SHISA9: variants seen among roughly 807,000 people sequenced by gnomAD.
SHISA9 encodes the protein shisa family member 9.
Under a neutral mutation model 38.0 loss-of-function variants are expected in SHISA9, and 13 were observed. The observed-to-expected ratio is 0.34, with a 90% CI of 0.22 to 0.54. SHISA9 has a LOEUF of 0.54. Ranked by LOEUF, SHISA9 falls within the 20% of genes least tolerant of loss-of-function variation. The pLI is 0.91. For missense variants in SHISA9, 538 were observed against 575.8 expected (o/e 0.93, Z 0.67); for synonymous variants, 275 against 242.0 (o/e 1.14, Z -1.27).
intron 2 of SHISA9, among the ~76,000 whole-genome samples, chr16:13,116,351 T>A (rs2074030735): frequency 6.6e-6 from 1 of 152,180 alleles, no homozygotes; most frequent in South Asian, 2.1e-4. Context: ...CGGAAATAAA[T>A]ACATGGTCTT....
At chr16:12,916,925 C>G in intron 2 of SHISA9, 110 bp downstream of exon 2, 3 of 1,228,180 alleles carry the variant, frequency 2.4e-6, no homozygotes, top group Non-Finnish European at 3.3e-6. Context: ...TCTTTGTGGG[C>G]AAGTTAGAAG....
intron 2 of SHISA9, among the ~76,000 whole-genome samples, chr16:13,108,013 T>A (rs1187642027): frequency 1.3e-5 from 2 of 152,052 alleles, no homozygotes; most frequent in East Asian, 3.9e-4. Context: ...CATAAGACAA[T>A]GAGTATGTAA....
At chr16:13,533,145 C>T in the SHISA9 span, among the ~76,000 whole-genome samples, 3 of 152,092 alleles carry the variant, frequency 2.0e-5, no homozygotes, top group Non-Finnish European at 4.4e-5. Flanking sequence ...ATCCATGGTC[C>T]CCCATGACTA....
intron 2 of SHISA9, among the ~76,000 whole-genome samples, chr16:13,099,955 A>G (rs2073862647): frequency 6.6e-6 from 1 of 152,042 alleles, no homozygotes; most frequent in African/African-American, 2.4e-5. Flanking sequence ...TTCCTTTTAC[A>G]CCTTAGGCAG....
intron 2 of SHISA9, among the ~76,000 whole-genome samples, chr16:12,973,862 G>C (rs528910231): frequency 6.6e-6 from 1 of 152,186 alleles, no homozygotes; most frequent in African/African-American, 2.4e-5. Context: ...CTCGAAAAAG[G>C]CTCTTCTCTT....
At chr16:13,527,321 C>A in the SHISA9 span, among the ~76,000 whole-genome samples, 2 of 152,198 alleles carry the variant, frequency 1.3e-5, no homozygotes, top group African/African-American at 2.4e-5. Context: ...CTACAAGGTT[C>A]TAGTGGGAGC....
the SHISA9 span, among the ~76,000 whole-genome samples, chr16:13,328,591 T>TACACACACACAC: frequency 5.7e-5 from 8 of 139,968 alleles, no homozygotes; most frequent in South Asian, 9.8e-4. Flanking sequence ...TATATGTGTA[T>TACACACACACAC]ACACACACAC....
At chr16:13,194,766 C>T (rs1366363331) in intron 2 of SHISA9, among the ~76,000 whole-genome samples, 1 of 152,146 alleles carries the variant, frequency 6.6e-6, no homozygotes, top group Non-Finnish European at 1.5e-5. Context: ...ATACATAGTC[C>T]ATAAGCACTG....
the SHISA9 span, among the ~76,000 whole-genome samples, chr16:13,346,551 C>CA: frequency 2.0e-5 from 3 of 152,186 alleles, no homozygotes; most frequent in South Asian, 6.2e-4. Context: ...ATGTCAAGAA[C>CA]AAAAAAATTG....
At chr16:12,903,462 C>T (rs73512683) in intron 1 of SHISA9, among the ~76,000 whole-genome samples, 2 of 152,202 alleles carry the variant, frequency 1.3e-5, no homozygotes, top group South Asian at 2.1e-4. Context: ...CTAGTTCCAG[C>T]AGATGGGAGA....
At chr16:13,034,815 G>C (rs1465957365) in intron 2 of SHISA9, among the ~76,000 whole-genome samples, 1 of 152,170 alleles carries the variant, frequency 6.6e-6, no homozygotes, top group Non-Finnish European at 1.5e-5. Context: ...CTCTGATGAA[G>C]GAGGAGAGAC....
intron 2 of SHISA9, among the ~76,000 whole-genome samples, chr16:13,194,773 A>G (rs1300779268): frequency 6.6e-6 from 1 of 152,230 alleles, no homozygotes; most frequent in Non-Finnish European, 1.5e-5. Flanking sequence ...GTCCATAAGC[A>G]CTGTGTTCTA....
the SHISA9 span, among the ~76,000 whole-genome samples, chr16:13,388,079 A>G: frequency 2.6e-5 from 4 of 152,098 alleles, no homozygotes; most frequent in African/African-American, 9.7e-5. Flanking sequence ...AGCCCATTCC[A>G]TCCTGGGAGC....
intron 2 of SHISA9, among the ~76,000 whole-genome samples, chr16:13,083,508 C>T (rs1159752666): frequency 6.6e-6 from 1 of 152,128 alleles, no homozygotes; most frequent in Non-Finnish European, 1.5e-5. Context: ...CAAGATTGTG[C>T]AGGGCAAGGA....
the SHISA9 span, among the ~76,000 whole-genome samples, chr16:13,339,203 G>C: frequency 6.9e-6 from 1 of 145,680 alleles, no homozygotes; most frequent in Non-Finnish European, 1.5e-5. Context: ...ACACAGTCTG[G>C]TCTGTATGGG....
At chr16:13,177,332 A>C (rs780531192) in intron 2 of SHISA9, among the ~76,000 whole-genome samples, 1 of 152,146 alleles carries the variant, frequency 6.6e-6, no homozygotes, top group Non-Finnish European at 1.5e-5. Flanking sequence ...TGGAAGCTCA[A>C]AATCTTAGAA....
At chr16:13,232,484 A>G (rs2051341222) in intron 4 of SHISA9, among the ~76,000 whole-genome samples, 1 of 152,226 alleles carries the variant, frequency 6.6e-6, no homozygotes, top group Admixed American at 6.5e-5. Flanking sequence ...AAAAAGGTCA[A>G]ACTCTGTCAA....
At chr16:12,932,781 T>C (rs2071478615) in intron 2 of SHISA9, among the ~76,000 whole-genome samples, 1 of 152,178 alleles carries the variant, frequency 6.6e-6, no homozygotes, top group Admixed American at 6.5e-5. Context: ...AGGTTTCATT[T>C]TGGGTGTTGT....
chr16:13,195,235 G>A (rs1014737779), intron 2 of SHISA9, among the ~76,000 whole-genome samples: 3 of 152,290 alleles, frequency 2.0e-5, no homozygotes, highest in East Asian at 1.9e-4. Flanking sequence ...TACAAGATGA[G>A]CCTGGGGAAT....
Sources: gnomAD v4.1 joint callset for allele counts (sites outside exome capture counted in the v4.1 genomes callset) on GRCh38, gnomAD v4.1.1 for gene constraint, MANE v1.5 for transcripts, NCBI Gene and HGNC (gene_info 2026-07-23, HGNC 2026-07-21) for gene names.